Variants in RSBN1L observed in about 807,000 individuals in gnomAD.
RSBN1L encodes the protein lysine-specific demethylase RSBN1L.
Under a neutral mutation model 67.7 loss-of-function variants are expected in RSBN1L, and 30 were observed. The observed-to-expected ratio is 0.44, with a 90% CI of 0.33 to 0.60. The LOEUF (loss-of-function observed/expected upper bound fraction) is 0.60, where lower values mean the gene tolerates loss of function less well. RSBN1L is among the 20% of genes least tolerant of loss of function. The pLI is 0.02. For missense variants in RSBN1L, 992 were observed against 1,031.7 expected (o/e 0.96, Z 0.53); for synonymous variants, 433 against 387.0 (o/e 1.12, Z -1.39).
intron 4 of RSBN1L, among the ~76,000 whole-genome samples, chr7:77,767,533 T>C (rs1247575990): frequency 1.3e-5 from 2 of 151,394 alleles, no homozygotes; most frequent in Non-Finnish European, 3.0e-5. Context: ...ACTACCATGC[T>C]AGGCTAATTT....
At chr7:77,751,564 A>G (rs1487975756) in intron 3 of RSBN1L, among the ~76,000 whole-genome samples, 1 of 152,230 alleles carries the variant, frequency 6.6e-6, no homozygotes, top group Non-Finnish European at 1.5e-5. Context: ...CTGTCATTTT[A>G]TAGAAACCCA....
chr7:77,753,708 G>A (rs900199653), intron 3 of RSBN1L, among the ~76,000 whole-genome samples: 10 of 152,118 alleles, frequency 6.6e-5, no homozygotes, highest in Admixed American at 6.5e-4. Context: ...AATATATTCT[G>A]TGAAGTTTTC....
chr7:77,696,652 C>A lies in RSBN1L; in HGVS notation c.183C>A (p.Gly61=), dbSNP rs1337317279. Residue 61 remains glycine, a synonymous_variant, in exon 1 of 8, where the codon GGC becomes GGA. Transcript: ENST00000334955. ...CGCGGAGAGTGAACGGAGAAGGGGG[C>A]AGCGGCGGGAACAGCAGGCAGCTGC... ...KAPRRVNGEG[G]SGGNSRQLQP... 2 of 1,612,764 alleles carry A rather than the reference C, an allele frequency of 1.2e-6. No individual in the cohort carries two copies. The highest frequency in any genetic ancestry group is 1.7e-6 in the Non-Finnish European group (2 of 1,179,602).
chr7:77,725,333 C>T, intron 1 of RSBN1L, among the ~76,000 whole-genome samples: 1 of 112,116 alleles, frequency 8.9e-6, no homozygotes, highest in African/African-American at 4.0e-5. Flanking sequence ...ACTGCAACCT[C>T]TGCCTCCTGG....
intron 2 of RSBN1L, among the ~76,000 whole-genome samples, chr7:77,747,566 A>G (rs1349719540): frequency 2.0e-5 from 3 of 152,302 alleles, no homozygotes; most frequent in Non-Finnish European, 2.9e-5. Context: ...TGGTGGCTCT[A>G]TGTGGTATTA....
chr7:77,756,130 T>C (rs1369972861), intron 3 of RSBN1L, among the ~76,000 whole-genome samples: 2 of 151,998 alleles, frequency 1.3e-5, no homozygotes, highest in African/African-American at 4.8e-5. Flanking sequence ...ATCTGACTTT[T>C]ATTTTTTTAT....
chr7:77,715,874 T>G (rs1343044933), intron 1 of RSBN1L, among the ~76,000 whole-genome samples: 2 of 152,212 alleles, frequency 1.3e-5, no homozygotes, highest in African/African-American at 4.8e-5. Flanking sequence ...TTGAGCATCT[T>G]TTCATGTACT....
intron 2 of RSBN1L, among the ~76,000 whole-genome samples, chr7:77,748,331 A>C (rs937046707): frequency 8.5e-5 from 13 of 152,198 alleles, no homozygotes; most frequent in Non-Finnish European, 8.8e-5. Flanking sequence ...AATCACGGAG[A>C]CACCAGAAAA....
intron 1 of RSBN1L, among the ~76,000 whole-genome samples, chr7:77,715,085 A>G (rs1791028732): frequency 6.6e-6 from 1 of 152,048 alleles, no homozygotes; most frequent in African/African-American, 2.4e-5. Flanking sequence ...CAGCCTGACC[A>G]GCATGGTGAA....
chr7:77,698,885 A>G (rs1221640131), intron 1 of RSBN1L, among the ~76,000 whole-genome samples: 2 of 152,182 alleles, frequency 1.3e-5, no homozygotes, highest in African/African-American at 2.4e-5. Flanking sequence ...TCTTGGTGGT[A>G]AATTTAATGG....
At chr7:77,737,754 C>T (rs939730650) in intron 2 of RSBN1L, among the ~76,000 whole-genome samples, 3 of 152,080 alleles carry the variant, frequency 2.0e-5, no homozygotes, top group South Asian at 4.1e-4. Flanking sequence ...CAGGTTCGGT[C>T]GCTCATGCCT....
intron 1 of RSBN1L, among the ~76,000 whole-genome samples, chr7:77,706,807 GA>G (rs1161878258): frequency 6.6e-6 from 1 of 152,102 alleles, no homozygotes; most frequent in African/African-American, 2.4e-5. Context: ...AGTGCTTGTA[GA>G]TAAAGATTGA....
chr7:77,775,540 A>G (rs1345217006), intron 6 of RSBN1L, among the ~76,000 whole-genome samples: 2 of 152,030 alleles, frequency 1.3e-5, no homozygotes, highest in South Asian at 2.1e-4. Context: ...GGATATCTCT[A>G]ATTCCTGTTT....
Position 77,696,526 on chromosome 7 carries a change from C to T in RSBN1L, c.57C>T (p.Thr19=), listed in dbSNP as rs376697374. The change falls in exon 1 of 8, where the codon ACC becomes ACT. Residue 19 remains threonine, a synonymous_variant. Coordinates refer to ENST00000334955, the MANE Select transcript of RSBN1L (RefSeq NM_198467.3). ...TCGCTGCCGCGGCCCCCACCGCCACCGTCTCGGAGAAAGAACCGTTTGGCA... is the reference window on the plus strand; with the variant it reads ...TCGCTGCCGCGGCCCCCACCGCCACTGTCTCGGAGAAAGAACCGTTTGGCA... The part of the protein sequence containing the change: ...HCVAAAAPTA[T]VSEKEPFGKL... 13 of 1,613,786 alleles carry T rather than the reference C, an allele frequency of 8.1e-6. No homozygotes were observed. The highest frequency in any genetic ancestry group is 1.1e-5 in the Non-Finnish European group (13 of 1,179,968).
chr7:77,717,739 C>T (rs1432951976), intron 1 of RSBN1L, among the ~76,000 whole-genome samples: 6 of 152,146 alleles, frequency 3.9e-5, no homozygotes, highest in Non-Finnish European at 8.8e-5. Context: ...GACAAGGTCC[C>T]GGGTGTGGCT....
chr7:77,717,734 G>C (rs1265767598), intron 1 of RSBN1L, among the ~76,000 whole-genome samples: 2 of 152,164 alleles, frequency 1.3e-5, no homozygotes, highest in Admixed American at 6.6e-5. Context: ...AAAGGGACAA[G>C]GTCCCGGGTG....
At chr7:77,742,890 A>G (rs1791432100) in intron 2 of RSBN1L, among the ~76,000 whole-genome samples, 1 of 152,190 alleles carries the variant, frequency 6.6e-6, no homozygotes, top group Non-Finnish European at 1.5e-5. Context: ...TGGCACAGTG[A>G]AGACTCTTAC....
intron 2 of RSBN1L, among the ~76,000 whole-genome samples, chr7:77,737,389 G>A (rs891842615): frequency 4.6e-5 from 7 of 152,134 alleles, no homozygotes; most frequent in African/African-American, 1.4e-4. Flanking sequence ...GAAAGACCAC[G>A]ACACTGCATA....
intron 1 of RSBN1L, among the ~76,000 whole-genome samples, chr7:77,731,999 A>G (rs1791278044): frequency 6.6e-6 from 1 of 152,160 alleles, no homozygotes; most frequent in African/African-American, 2.4e-5. Context: ...TCTTTTGCCT[A>G]TAATACATTG....
Sources: allele counts gnomAD v4.1 joint callset (sites outside exome capture counted in the v4.1 genomes callset), GRCh38; gene constraint gnomAD v4.1.1; transcripts MANE v1.5; gene names NCBI Gene and HGNC (gene_info 2026-07-23, HGNC 2026-07-21).